Variants in GCNT2 observed in about 807,000 individuals in gnomAD.
GCNT2 encodes N-acetyllactosaminide beta-1,6-N-acetylglucosaminyl-transferase.
GCNT2 carries 34 observed loss-of-function variants against 34.2 expected under a neutral mutation model. The observed-to-expected ratio is 1.00, with a 90% confidence interval of 0.76 to 1.32. The LOEUF is 1.32. Ranked by LOEUF, GCNT2 falls within the 40% of genes most tolerant of loss-of-function variation. The probability of loss-of-function intolerance (pLI) is 0.00; values close to 1 mark genes in which losing one functional copy is unlikely to be tolerated. For missense variants in GCNT2, 584 were observed against 489.4 expected (o/e 1.19, Z -1.82); for synonymous variants, 212 against 188.0 (o/e 1.13, Z -1.04).
chr6:10,606,792 A>G lies in GCNT2; in HGVS notation c.926-14559A>G, dbSNP rs1277071867. Among the ~76,000 whole-genome samples, 4 of 151,920 alleles carry G rather than the reference A, an allele frequency of 2.6e-5. No individual in the cohort carries two copies. In the East Asian group the frequency reaches 5.8e-4, roughly 22 times the overall value. On this transcript the variant is annotated intron_variant, in intron 3 of 4. Transcript: ENST00000495262. ...AAAATAAAAATCATCACTAAACTCA[A>G]TACTCAGAGATAATAGTTCAGTATA...
At chr6:10,573,584 T>G (rs1763650514) in intron 3 of GCNT2, among the ~76,000 whole-genome samples, 1 of 152,238 alleles carries the variant, frequency 6.6e-6, no homozygotes, top group African/African-American at 2.4e-5. Flanking sequence ...ACTACTGCCT[T>G]TTAAAAATTG....
chr6:10,607,844 A>AT (rs1357490731), intron 3 of GCNT2, among the ~76,000 whole-genome samples: 1 of 152,172 alleles, frequency 6.6e-6, no homozygotes, highest in Non-Finnish European at 1.5e-5. Flanking sequence ...CATGGTAAAC[A>AT]TGCTGCTTTT....
chr6:10,582,516 T>TAATATAA (rs1188918865), intron 3 of GCNT2, among the ~76,000 whole-genome samples: 3 of 99,158 alleles, frequency 3.0e-5, no homozygotes, highest in Non-Finnish European at 4.2e-5. Flanking sequence ...ACATCATATA[T>TAATATAA]TATATTATAC....
At chr6:10,609,856 C>G (rs73721323) in intron 3 of GCNT2, among the ~76,000 whole-genome samples, 23,349 of 151,948 alleles carry the variant, frequency 0.15, 3,177 homozygotes, top group African/African-American at 0.37. Context: ...TAAGAGGCGG[C>G]AGAAGAGGTC....
chr6:10,595,247 A>G (rs1020990185), intron 3 of GCNT2, among the ~76,000 whole-genome samples: 8 of 151,980 alleles, frequency 5.3e-5, no homozygotes, highest in Non-Finnish European at 8.8e-5. Flanking sequence ...ATCACAGGAA[A>G]GGAGCAGGAA....
chr6:10,590,635 C>A (rs1764596949), intron 3 of GCNT2, among the ~76,000 whole-genome samples: 1 of 151,342 alleles, frequency 6.6e-6, no homozygotes. Context: ...CTCACTGCAA[C>A]CTCCGCCTCT....
At chr6:10,527,717 A>ATGTGTGTGTGTGCGTG (rs141470231) in intron 2 of GCNT2, 57 bp downstream of exon 2, 3 of 152,132 alleles carry the variant, frequency 2.0e-5, no homozygotes, top group African/African-American at 7.2e-5. Flanking sequence ...GTGTGTATGC[A>ATGTGTGTGTGTGCGTG]TGCGTGTGTG....
intron 3 of GCNT2, among the ~76,000 whole-genome samples, chr6:10,613,579 T>TA (rs1765644476): frequency 1.3e-5 from 2 of 152,182 alleles, no homozygotes; most frequent in African/African-American, 4.8e-5. Context: ...TGTGTCCCAT[T>TA]AGAGGATACA....
chr6:10,585,081 G>C (rs112884320), intron 3 of GCNT2, among the ~76,000 whole-genome samples: 1 of 88,766 alleles, frequency 1.1e-5, no homozygotes, highest in Non-Finnish European at 2.2e-5. Context: ...GTGTGTGTGC[G>C]CGCTATATTC....
chr6:10,614,885 C>T (rs1282742361), intron 3 of GCNT2, among the ~76,000 whole-genome samples: 3 of 152,116 alleles, frequency 2.0e-5, no homozygotes, highest in Non-Finnish European at 4.4e-5. Flanking sequence ...CTCCTGGTGG[C>T]CAAGTGCTAT....
intron 3 of GCNT2, among the ~76,000 whole-genome samples, chr6:10,615,664 G>A (rs1331958961): frequency 6.6e-6 from 1 of 152,162 alleles, no homozygotes; most frequent in Non-Finnish European, 1.5e-5. Flanking sequence ...GTGAAAGCAA[G>A]TTTATTAAGA....
Position 10,528,887 on chromosome 6 carries a change from T to C in GCNT2, c.-25T>C. 1.3e-6 allele frequency: 2 copies of C among 1,545,596 alleles called. No individual in the cohort carries two copies. Among genetic ancestry groups the C allele is most frequent in the Non-Finnish European group, 1.8e-6 (2 of 1,118,136 alleles). On this transcript the variant is annotated 5_prime_UTR_variant, in exon 3 of 5. Transcript: ENST00000495262. ...CTCTGATCCTATCTCAAGAGAGAGA[T>C]ATTTTACTCATTTCCTGGTTGTGAA...
intron 3 of GCNT2, among the ~76,000 whole-genome samples, chr6:10,561,673 C>T (rs1485969735): frequency 6.6e-6 from 1 of 152,210 alleles, no homozygotes; most frequent in African/African-American, 2.4e-5. Flanking sequence ...TTGGCTTCAG[C>T]TCCTGTTTTT....
chr6:10,577,088 A>G (rs1029001734), intron 3 of GCNT2, among the ~76,000 whole-genome samples: 4 of 152,236 alleles, frequency 2.6e-5, no homozygotes, highest in Admixed American at 6.5e-5. Flanking sequence ...TAAAAAATTA[A>G]ATGAAAATGA....
At chr6:10,557,023 A>G in intron 3 of GCNT2, 2 of 1,613,564 alleles carry the variant, frequency 1.2e-6, no homozygotes, top group Non-Finnish European at 8.5e-7. Flanking sequence ...CCAACAAGGA[A>G]ATAGTTCAGT....
chr6:10,536,733 T>G (rs1399060722), intron 3 of GCNT2, among the ~76,000 whole-genome samples: 1 of 145,374 alleles, frequency 6.9e-6, no homozygotes, highest in East Asian at 2.1e-4. Flanking sequence ...AGATGGAGTC[T>G]CACTCTGTCA....
chr6:10,538,408 CAAAAAAAAAAAAAAA>C (rs70991023), intron 3 of GCNT2, among the ~76,000 whole-genome samples: 2 of 40,182 alleles, frequency 5.0e-5, no homozygotes, highest in Non-Finnish European at 8.6e-5. Context: ...GACTCCGTCT[CAAAAAAAAAAAAAAA>C]AAAAAAAAAA....
At chr6:10,568,973 A>C (rs1339847247) in intron 3 of GCNT2, among the ~76,000 whole-genome samples, 1 of 151,924 alleles carries the variant, frequency 6.6e-6, no homozygotes, top group Admixed American at 6.6e-5. Flanking sequence ...CCTCTGTTGT[A>C]ATGCTTTTAT....
chr6:10,596,676 C>T (rs1260917507), intron 3 of GCNT2, among the ~76,000 whole-genome samples: 1 of 151,410 alleles, frequency 6.6e-6, no homozygotes, highest in Non-Finnish European at 1.5e-5. Flanking sequence ...ATCCCTCTAA[C>T]CATTAAAGTT....
Sources: allele counts gnomAD v4.1 joint callset (sites outside exome capture counted in the v4.1 genomes callset), GRCh38; gene constraint gnomAD v4.1.1; transcripts MANE v1.5; gene names NCBI Gene and HGNC (gene_info 2026-07-23, HGNC 2026-07-21).